Variants in NUMB observed in about 807,000 individuals in gnomAD.
NUMB encodes protein numb homolog.
A neutral mutation model predicts 59.7 loss-of-function variants in NUMB; 29 were observed. That is an observed-to-expected ratio of 0.49 (90% CI 0.36 to 0.66). NUMB has a LOEUF of 0.66. Among genes scored for constraint, NUMB ranks in the 30% least tolerant of loss-of-function variants. The pLI is 0.00. For synonymous variants in NUMB, 288 were observed against 288.2 expected, an observed-to-expected ratio of 1.00 and a Z score of 0.01; for missense variants, 723 against 822.0, an observed-to-expected ratio of 0.88 and a Z score of 1.47.
chr14:73,356,890 G>T (rs1258716977), intron 3 of NUMB: 1 of 181,478 alleles, frequency 5.5e-6, no homozygotes, highest in Non-Finnish European at 1.1e-5. Context: ...TAGAGACAAG[G>T]TCTCACTATG....
chr14:73,385,287 A>G (rs925405183), intron 2 of NUMB, among the ~76,000 whole-genome samples: 2 of 146,460 alleles, frequency 1.4e-5, no homozygotes, highest in Admixed American at 1.4e-4. Flanking sequence ...AGCTGGAGCT[A>G]TAGGTGCATA....
intron 4 of NUMB, among the ~76,000 whole-genome samples, chr14:73,336,528 C>G (rs1311144963): frequency 6.6e-6 from 1 of 152,176 alleles, no homozygotes; most frequent in African/African-American, 2.4e-5. Flanking sequence ...TGGGCATTCT[C>G]ATCTTGCTAA....
In NUMB at chr14:73,357,411, AAAG is replaced by A. The variant is rs1246620792; in HGVS notation, c.-15-1648_-15-1646del. On this transcript the variant is annotated intron_variant, in intron 3 of 12. Coordinates refer to ENST00000555238, the MANE Select transcript of NUMB (RefSeq NM_001005743.2). ...GAGAGAAACTCTGTCAAAAAAAAAAAAAGAAAGAAAGAAAGAAAGGAAATACTG... is the reference window on the plus strand; with the variant it reads ...GAGAGAAACTCTGTCAAAAAAAAAAAAAAGAAAGAAAGAAAGGAAATACTG... 3.5e-3 allele frequency among the ~76,000 whole-genome samples: 510 copies of A among 144,338 alleles called. 3 individuals carry two copies. The highest frequency in any genetic ancestry group is 0.013 in the African/African-American group (475 of 37,402). The allele number at this position is 144,338 out of a possible 152,430, so 94.7% of individuals were successfully genotyped here.
intron 1 of NUMB, among the ~76,000 whole-genome samples, chr14:73,416,935 C>G (rs1405089585): frequency 1.3e-5 from 2 of 151,494 alleles, no homozygotes; most frequent in African/African-American, 4.9e-5. Flanking sequence ...CCATTGAAAC[C>G]CCAACCCCCA....
At chr14:73,292,900 G>T in intron 7 of NUMB, 26 bp from the exon 8 acceptor site, 2 of 1,612,652 alleles carry the variant, frequency 1.2e-6, no homozygotes, top group East Asian at 2.2e-5. Context: ...CACAAAGAAA[G>T]AGAAGACTTA....
intron 12 of NUMB, 138 bp downstream of exon 12, chr14:73,279,143 G>C: frequency 2.2e-6 from 2 of 902,914 alleles, no homozygotes; most frequent in South Asian, 1.6e-5. Flanking sequence ...TCTTATGTAA[G>C]CAACTTATTT....
intron 11 of NUMB, among the ~76,000 whole-genome samples, chr14:73,280,684 CTAT>C (rs1888564958): frequency 1.9e-5 from 2 of 106,440 alleles, no homozygotes; most frequent in African/African-American, 3.4e-5. Flanking sequence ...GGTGTTGGTA[CTAT>C]TTTTTTTTTT....
At chr14:73,405,435 CTTTTTTTTTTTT>C (rs56778084) in intron 2 of NUMB, among the ~76,000 whole-genome samples, 1 of 127,432 alleles carries the variant, frequency 7.8e-6, no homozygotes, top group Non-Finnish European at 1.6e-5. Context: ...TTTTCTTTCT[CTTTTTTTTTTTT>C]TTTTTTTTTT....
At chr14:73,352,746 G>A (rs1165060646) in intron 4 of NUMB, among the ~76,000 whole-genome samples, 3 of 143,922 alleles carry the variant, frequency 2.1e-5, no homozygotes, top group Non-Finnish European at 4.6e-5. Context: ...GTTTCACCGT[G>A]TTAGCCAGGA....
At chr14:73,393,357 A>G (rs1895951820) in intron 2 of NUMB, among the ~76,000 whole-genome samples, 1 of 152,196 alleles carries the variant, frequency 6.6e-6, no homozygotes, top group Non-Finnish European at 1.5e-5. Flanking sequence ...AATATTCACC[A>G]TTTCTTTCAG....
intron 5 of NUMB, 80 bp from the exon 6 acceptor site, chr14:73,316,502 C>A: frequency 7.4e-7 from 1 of 1,357,464 alleles, no homozygotes; most frequent in Non-Finnish European, 1.0e-6. Context: ...TAAGCACATA[C>A]AGAAATTGGG....
chr14:73,407,700 T>C (rs1038334234), intron 2 of NUMB, among the ~76,000 whole-genome samples: 3 of 152,218 alleles, frequency 2.0e-5, no homozygotes, highest in African/African-American at 4.8e-5. Flanking sequence ...TGAGAAAGTA[T>C]CTAGATAGCA....
intron 4 of NUMB, among the ~76,000 whole-genome samples, chr14:73,343,856 A>G (rs1435889701): frequency 6.6e-6 from 1 of 152,212 alleles, no homozygotes; most frequent in Admixed American, 6.5e-5. Flanking sequence ...AAAGAAACTT[A>G]TAAAGCTTTA....
At chr14:73,394,139 G>C (rs1164725350) in intron 2 of NUMB, among the ~76,000 whole-genome samples, 1 of 152,066 alleles carries the variant, frequency 6.6e-6, no homozygotes, top group African/African-American at 2.4e-5. Context: ...ATTTTTAGTA[G>C]AGACAGAGTT....
chr14:73,425,455 C>T (rs760275596), intron 1 of NUMB, among the ~76,000 whole-genome samples: 2 of 152,122 alleles, frequency 1.3e-5, no homozygotes, highest in Non-Finnish European at 2.9e-5. Flanking sequence ...AATCCTCCTG[C>T]CTCAGCCTCC....
chr14:73,400,763 G>C (rs1240137264), intron 2 of NUMB, among the ~76,000 whole-genome samples: 1 of 152,206 alleles, frequency 6.6e-6, no homozygotes, highest in East Asian at 1.9e-4. Context: ...CGAAAGGACA[G>C]GGTTTGGAGA....
chr14:73,316,900 T>G (rs540344860), intron 5 of NUMB, among the ~76,000 whole-genome samples: 1 of 152,338 alleles, frequency 6.6e-6, no homozygotes, highest in Non-Finnish European at 1.5e-5. Context: ...CACATTCAAA[T>G]GACCACATAA....
chr14:73,418,725 T>G (rs779847794), intron 1 of NUMB, among the ~76,000 whole-genome samples: 2 of 151,554 alleles, frequency 1.3e-5, no homozygotes, highest in Admixed American at 6.6e-5. Flanking sequence ...GAGCCGAAAC[T>G]GCGCCACTGC....
chr14:73,343,689 T>C (rs1043233328), intron 4 of NUMB, among the ~76,000 whole-genome samples: 3 of 151,758 alleles, frequency 2.0e-5, no homozygotes, highest in Non-Finnish European at 4.4e-5. Context: ...TTGATACTAA[T>C]GAGTGAAGGT....
Sources: allele counts gnomAD v4.1 joint callset (sites outside exome capture counted in the v4.1 genomes callset), GRCh38; gene constraint gnomAD v4.1.1; transcripts MANE v1.5; gene names NCBI Gene and HGNC (gene_info 2026-07-23, HGNC 2026-07-21).